Variants in IGF2R observed in about 807,000 individuals in gnomAD.
IGF2R encodes the protein insulin like growth factor 2 receptor.
Under a neutral mutation model 270.6 loss-of-function variants are expected in IGF2R, and 91 were observed. The observed-to-expected ratio is 0.34, with a 90% CI of 0.28 to 0.40. The LOEUF is 0.40. Among genes scored for constraint, IGF2R ranks in the 10% least tolerant of loss-of-function variants. IGF2R has a pLI of 1.00. For missense variants in IGF2R, 2,805 were observed against 3,188.3 expected (o/e 0.88, Z 2.90); for synonymous variants, 1,316 against 1,258.9 (o/e 1.05, Z -0.96).
At position 160,044,620 on chromosome 6, in the gene IGF2R, G is replaced by A. The variant is rs755317424; in HGVS notation, c.1728G>A (p.Lys576=). Residue 576 remains lysine, a synonymous_variant, in exon 13 of 48, where the codon AAG becomes AAA. Coordinates refer to ENST00000356956, the MANE Select transcript of IGF2R (RefSeq NM_000876.4). Reference sequence around the variant, plus strand: ...ATGGTGATGATTGTGGTCATGGCAAGAAAATTAAAACTAATATCACACTTG... The same window carrying A: ...ATGGTGATGATTGTGGTCATGGCAAAAAAATTAAAACTAATATCACACTTG... The part of the protein sequence containing the change: ...YSDGDDCGHG[K]KIKTNITLVC... 6.2e-7 allele frequency: 1 copy of A among 1,610,404 alleles called. No homozygotes were observed. Among genetic ancestry groups the A allele is most frequent in the South Asian group, 1.1e-5 (1 of 89,732 alleles).
intron 9 of IGF2R, among the ~76,000 whole-genome samples, chr6:160,033,990 T>C (rs773935362): frequency 2.6e-5 from 4 of 152,252 alleles, no homozygotes; most frequent in Non-Finnish European, 4.4e-5. Flanking sequence ...ATGGAATATC[T>C]GCCGAGAAGC....
intron 12 of IGF2R, 79 bp downstream of exon 12, chr6:160,043,367 G>C (rs1777989473): frequency 6.9e-7 from 1 of 1,452,178 alleles, no homozygotes; most frequent in Non-Finnish European, 9.3e-7. Context: ...AGATCTTTCT[G>C]TGGTTCATCT....
chr6:160,032,522 T>G (rs1296967162), intron 7 of IGF2R, 29 bp from the exon 8 acceptor site: 1 of 1,599,132 alleles, frequency 6.3e-7, no homozygotes, highest in Admixed American at 1.7e-5. Context: ...ACATTTTTTA[T>G]TTTGCTTCTT....
intron 4 of IGF2R, among the ~76,000 whole-genome samples, chr6:160,013,096 T>TTTTTG (rs1190828505): frequency 1.3e-5 from 2 of 152,136 alleles, no homozygotes; most frequent in Admixed American, 1.3e-4. Flanking sequence ...CATGATACCC[T>TTTTTG]TTTTGTTTTG....
At chr6:160,065,814 G>GTGTGTGTATGTGTATATATATA in intron 29 of IGF2R, among the ~76,000 whole-genome samples, 2 of 78,392 alleles carry the variant, frequency 2.6e-5, no homozygotes, top group African/African-American at 5.6e-5. Flanking sequence ...GTGTGTGTGT[G>GTGTGTGTATGTGTATATATATA]TATATATATA....
chr6:159,991,204 A>G lies in IGF2R; in HGVS notation c.170A>G (p.Asp57Gly), dbSNP rs1364769977. The G allele has an allele frequency of 1.2e-6, 2 of 1,611,988 alleles. No homozygotes were observed. Among genetic ancestry groups the G allele is most frequent in the African/African-American group, 2.7e-5 (2 of 75,012 alleles). The change falls in exon 2 of 48, where the codon GAT becomes GGT. Residue 57 changes from aspartate (D) to glycine (G), a missense_variant. This residue lies in a region of IGF2R where 954 missense variants were observed against 981.1 expected (regional missense o/e 0.97). Transcript: ENST00000356956. ...ELCSYTWEAV[D>G]TKNNVLYKIN... ...TCCAGTTATACATGGGAAGCTGTTGATACCAAAAATAATGTACTTTATAAA... is the reference window on the plus strand; with the variant it reads ...TCCAGTTATACATGGGAAGCTGTTGGTACCAAAAATAATGTACTTTATAAA...
At chr6:160,076,280 A>T (rs6936163) in intron 36 of IGF2R, among the ~76,000 whole-genome samples, 4,113 of 152,342 alleles carry the variant, frequency 0.027, 193 homozygotes, top group African/African-American at 0.094. Context: ...TAAAAGTGTC[A>T]TAACTTTTGT....
At chr6:159,984,267 G>A (rs1783847056) in intron 1 of IGF2R, among the ~76,000 whole-genome samples, 1 of 152,220 alleles carries the variant, frequency 6.6e-6, no homozygotes, top group African/African-American at 2.4e-5. Context: ...TTAGGATGAA[G>A]CTGAACAATT....
At chr6:160,048,823 A>G (rs1583279111) in intron 18 of IGF2R, among the ~76,000 whole-genome samples, 1 of 142,972 alleles carries the variant, frequency 7.0e-6, no homozygotes, top group African/African-American at 2.5e-5. Context: ...CCTGAATTCA[A>G]AAGTGTCTTT....
At chr6:160,048,996 G>C (rs1778133933) in intron 18 of IGF2R, among the ~76,000 whole-genome samples, 1 of 152,190 alleles carries the variant, frequency 6.6e-6, no homozygotes, top group Non-Finnish European at 1.5e-5. Flanking sequence ...GTTGAATGCA[G>C]TCACCGCCAG....
chr6:160,101,896 G>A (rs989390820), intron 45 of IGF2R, among the ~76,000 whole-genome samples: 2 of 152,192 alleles, frequency 1.3e-5, no homozygotes, highest in Admixed American at 6.5e-5. Context: ...GGTGAACTCC[G>A]CTGGTGAGGC....
Position 160,040,611 on chromosome 6 carries a change from A to G in IGF2R, c.1367A>G (p.Tyr456Cys), listed in dbSNP as rs759209667. Residue 456 changes from tyrosine to cysteine, a missense_variant, in exon 11 of 48, where the codon TAC becomes TGC. This residue lies in a region of IGF2R where 954 missense variants were observed against 981.1 expected (regional missense o/e 0.97). Transcript: ENST00000356956. ...TTCACAGGGGAGGTTGACTGCACCT[A>G]CTTCTTCACATGGGACACGGAATAC... ...PVFTGEVDCT[Y>C]FFTWDTEYAC... 4.3e-6 allele frequency: 7 copies of G among 1,613,966 alleles called. No individual in the cohort carries two copies. The highest frequency in any genetic ancestry group is 5.1e-6 in the Non-Finnish European group (6 of 1,179,948).
chr6:160,012,059 G>A (rs147809333), intron 4 of IGF2R, among the ~76,000 whole-genome samples: 28 of 152,122 alleles, frequency 1.8e-4, no homozygotes, highest in African/African-American at 6.3e-4. Context: ...TTTCAGATAT[G>A]GTCATCTATG....
At chr6:160,097,252 A>G (rs985385877) in intron 45 of IGF2R, among the ~76,000 whole-genome samples, 8 of 152,230 alleles carry the variant, frequency 5.3e-5, no homozygotes, top group Non-Finnish European at 7.3e-5. Flanking sequence ...TGCCACGAAT[A>G]ACATGTTGTC....
rs200930371 is a variant in IGF2R, at chr6:160,010,660, A to G, written c.415-27A>G. The G allele has an allele frequency of 9.3e-6, 12 of 1,283,828 alleles. No homozygotes were observed. The East Asian group carries it at 2.1e-4, about 22-fold the overall frequency. 79.5% of individuals were successfully genotyped at this position (1,283,828 alleles called of 1,614,324 possible). The stretch of plus-strand genomic sequence containing the variant: ...TCTTTACAATGTGTGGTATGGTAAC[A>G]TTATAATTACTATTTTTTTTTAATA... On this transcript the variant is annotated intron_variant, in intron 3 of 47. Coordinates refer to ENST00000356956, the MANE Select transcript of IGF2R (RefSeq NM_000876.4).
Position 159,998,704 on chromosome 6 carries a change from A to C in IGF2R, c.289+7381A>C, listed in dbSNP as rs1784087043. On this transcript the variant is annotated intron_variant, in intron 2 of 47. Transcript: ENST00000356956. This position sits in a 1 kb window ranked among gnomAD's most constrained non-coding sequence, Gnocchi z 4.1. ...TGAAACTTCCAGAGGGAGTCATCAT[A>C]TATACTTTCAGGACTCTCAGTAACG... 6.6e-6 allele frequency among the ~76,000 whole-genome samples: 1 copy of C among 152,192 alleles called. No individual in the cohort carries two copies. Among genetic ancestry groups the C allele is most frequent in the African/African-American group, 2.4e-5 (1 of 41,458 alleles).
chr6:160,002,096 A>G (rs531241920), intron 2 of IGF2R, among the ~76,000 whole-genome samples: 2 of 152,346 alleles, frequency 1.3e-5, no homozygotes, highest in East Asian at 3.9e-4. Flanking sequence ...GAAAGAAAAT[A>G]TTAAGAAAAT....
intron 4 of IGF2R, among the ~76,000 whole-genome samples, chr6:160,012,764 T>TATATATATATATATATATATATATATA (rs538085462): frequency 9.9e-5 from 6 of 60,430 alleles, no homozygotes; most frequent in Non-Finnish European, 1.5e-4. Flanking sequence ...TATATATATA[T>TATATATATATATATATATATATATATA]TTTTTTTTTT....
rs771649332 is a variant in IGF2R at position 160,075,866 on chromosome 6, G to A, written c.5186G>A (p.Gly1729Glu). ...GPPIDIGRVA[G>E]PPILNPIANE... ...GTTTAGGATATCGGCCGGGTAGCAGGACCACCAATACTCAATCCAATAGCA... is the reference window on the plus strand; with the variant it reads ...GTTTAGGATATCGGCCGGGTAGCAGAACCACCAATACTCAATCCAATAGCA... Residue 1729 changes from glycine to glutamate, a missense_variant, in exon 36 of 48, where the codon GGA becomes GAA. This residue lies in a region of IGF2R where 1,851 missense variants were observed against 2,207.2 expected (regional missense o/e 0.84). Transcript: ENST00000356956. 1 of 1,613,930 alleles carries A rather than the reference G, an allele frequency of 6.2e-7. No individual in the cohort carries two copies. The highest frequency in any genetic ancestry group is 1.7e-5 in the Admixed American group (1 of 60,010).
Sources: allele counts gnomAD v4.1 joint callset (sites outside exome capture counted in the v4.1 genomes callset), GRCh38; gene constraint gnomAD v4.1.1; regional missense constraint gnomAD v4.1.1; non-coding constraint Gnocchi (gnomAD v3.1); transcripts MANE v1.5; gene names NCBI Gene and HGNC (gene_info 2026-07-23, HGNC 2026-07-21).